Variants in NBEA observed in about 807,000 individuals in gnomAD.
The protein encoded by NBEA is neurobeachin.
A neutral mutation model predicts 343.4 loss-of-function variants in NBEA; 44 were observed. The observed-to-expected ratio is 0.13, with a 90% CI of 0.10 to 0.16. The LOEUF (loss-of-function observed/expected upper bound fraction) is 0.16. Among genes scored for constraint, NBEA ranks in the 10% least tolerant of loss-of-function variants. The pLI, the probability that NBEA is intolerant of heterozygous loss-of-function variation, is 1.00. For missense variants in NBEA, 2,555 were observed against 3,631.3 expected, an observed-to-expected ratio of 0.70 and a Z score of 7.62; for synonymous variants, 1,175 against 1,238.7, an observed-to-expected ratio of 0.95 and a Z score of 1.08.
At chr13:35,438,098 G>C (rs1338257446) in intron 39 of NBEA, among the ~76,000 whole-genome samples, 1 of 151,826 alleles carries the variant, frequency 6.6e-6, no homozygotes, top group Non-Finnish European at 1.5e-5. Flanking sequence ...GAAGAGAGCA[G>C]ACTGCTTCAG....
At chr13:34,945,737 C>A (rs1393602710) in intron 1 of NBEA, among the ~76,000 whole-genome samples, 1 of 152,054 alleles carries the variant, frequency 6.6e-6, no homozygotes, top group South Asian at 2.1e-4. Context: ...TCGCCTTTGT[C>A]AGTATATTTT....
intron 37 of NBEA, 51 bp downstream of exon 37, chr13:35,349,267 A>G (rs2040047678): frequency 7.6e-6 from 8 of 1,058,616 alleles, no homozygotes; most frequent in Non-Finnish European, 1.1e-5. Context: ...TAAGCCAAAA[A>G]TCACCTATCT....
Position 35,118,218 on chromosome 13 carries a change from T to A in NBEA, c.2083-10T>A, listed in dbSNP as rs1396015223. On this transcript the variant is annotated splice_polypyrimidine_tract_variant and intron_variant, in intron 14 of 58. Coordinates refer to ENST00000379939, the MANE Select transcript of NBEA (RefSeq NM_001385012.1). Reference sequence around the variant, plus strand: ...AGATGTAAAGTAATAAAATATTTTTTAAAAATTAGGATCGAGGGGTCAAGG... The same window carrying A: ...AGATGTAAAGTAATAAAATATTTTTAAAAAATTAGGATCGAGGGGTCAAGG... The A allele has an allele frequency of 2.8e-6, 4 of 1,446,858 alleles. No homozygotes were observed. Among genetic ancestry groups the A allele is most frequent in the Non-Finnish European group, 3.7e-6 (4 of 1,088,310 alleles). The allele number at this position is 1,446,858 out of a possible 1,614,324, so 89.6% of individuals were successfully genotyped here.
At chr13:35,162,828 A>T (rs1033638702) in intron 23 of NBEA, among the ~76,000 whole-genome samples, 1 of 152,122 alleles carries the variant, frequency 6.6e-6, no homozygotes, top group Non-Finnish European at 1.5e-5. Context: ...AACAAAATAT[A>T]AAATGTGTGT....
At chr13:35,211,634 G>A (rs2073779757) in intron 33 of NBEA, among the ~76,000 whole-genome samples, 1 of 152,118 alleles carries the variant, frequency 6.6e-6, no homozygotes, top group Admixed American at 6.5e-5. Flanking sequence ...GGAAAACATG[G>A]TGAAACCTTG....
chr13:35,651,035 A>G (rs2084496104), intron 52 of NBEA, among the ~76,000 whole-genome samples: 1 of 152,220 alleles, frequency 6.6e-6, no homozygotes, highest in South Asian at 2.1e-4. Context: ...GATAGGCAGC[A>G]CATATCTTAA....
intron 1 of NBEA, among the ~76,000 whole-genome samples, chr13:34,986,989 T>TG (rs1175555451): frequency 1.3e-5 from 2 of 151,048 alleles, no homozygotes; most frequent in African/African-American, 4.8e-5. Flanking sequence ...GTCTTTTAAC[T>TG]GGGGCATTTA....
At chr13:35,426,748 C>A (rs1026704574) in intron 38 of NBEA, among the ~76,000 whole-genome samples, 3 of 152,176 alleles carry the variant, frequency 2.0e-5, no homozygotes, top group Non-Finnish European at 4.4e-5. Flanking sequence ...TGTTTTCCAA[C>A]TTGGTTCCAT....
chr13:35,609,589 C>T (rs926526538), intron 48 of NBEA, among the ~76,000 whole-genome samples: 8 of 152,016 alleles, frequency 5.3e-5, no homozygotes, highest in Non-Finnish European at 8.8e-5. Context: ...GGGCATTTGG[C>T]GTTAGCATTT....
At chr13:35,200,411 T>G (rs1156954374) in intron 31 of NBEA, among the ~76,000 whole-genome samples, 1 of 148,550 alleles carries the variant, frequency 6.7e-6, no homozygotes, top group Non-Finnish European at 1.5e-5. Context: ...GGTTTAGTTT[T>G]AACTTCCTAG....
chr13:35,144,967 C>T (rs765489487), intron 18 of NBEA, among the ~76,000 whole-genome samples: 2 of 152,144 alleles, frequency 1.3e-5, no homozygotes, highest in East Asian at 3.9e-4. Flanking sequence ...GGTAGGTATC[C>T]TTTGATGGAG....
chr13:35,075,565 C>A (rs1250149509), intron 10 of NBEA, among the ~76,000 whole-genome samples: 3 of 152,070 alleles, frequency 2.0e-5, no homozygotes, highest in South Asian at 2.1e-4. Context: ...TTTAGAGAAT[C>A]CCATAAAGCA....
chr13:35,356,990 G>A (rs867138567), intron 38 of NBEA, among the ~76,000 whole-genome samples: 3 of 152,002 alleles, frequency 2.0e-5, no homozygotes, highest in African/African-American at 7.2e-5. Context: ...CTATCACTTG[G>A]CATATAATTT....
intron 35 of NBEA, among the ~76,000 whole-genome samples, chr13:35,298,187 ATGTG>A (rs1216541038): frequency 2.5e-4 from 29 of 115,166 alleles, no homozygotes; most frequent in East Asian, 7.4e-4. Flanking sequence ...GTGTGTGTGT[ATGTG>A]TGTGTGTGTG....
At chr13:35,632,838 C>T (rs191460136) in intron 49 of NBEA, among the ~76,000 whole-genome samples, 341 of 151,996 alleles carry the variant, frequency 2.2e-3, no homozygotes, top group African/African-American at 8.0e-3. Context: ...AGGTGATCTG[C>T]CTGCCTCAGC....
chr13:35,446,577 A>T (rs2046056806), intron 39 of NBEA, among the ~76,000 whole-genome samples: 1 of 152,188 alleles, frequency 6.6e-6, no homozygotes, highest in Non-Finnish European at 1.5e-5. Flanking sequence ...AAAAGAAATT[A>T]CATAGGTCGG....
At chr13:35,044,046 A>G (rs2062754529) in intron 2 of NBEA, among the ~76,000 whole-genome samples, 1 of 152,144 alleles carries the variant, frequency 6.6e-6, no homozygotes, top group Admixed American at 6.6e-5. Context: ...ATTAATCACA[A>G]TATGTAGAGA....
At chr13:35,169,786 G>A (rs1481000614) in intron 25 of NBEA, among the ~76,000 whole-genome samples, 1 of 151,668 alleles carries the variant, frequency 6.6e-6, no homozygotes, top group Non-Finnish European at 1.5e-5. Flanking sequence ...TCTTTCTTAT[G>A]AGCTATGATG....
chr13:35,210,121 C>T (rs1283441085), intron 32 of NBEA, among the ~76,000 whole-genome samples: 2 of 151,804 alleles, frequency 1.3e-5, no homozygotes, highest in African/African-American at 4.8e-5. Context: ...ATGAAATCAC[C>T]TTTTTTATTT....
Sources: gnomAD v4.1 joint callset for allele counts (sites outside exome capture counted in the v4.1 genomes callset) on GRCh38, gnomAD v4.1.1 for gene constraint, MANE v1.5 for transcripts, NCBI Gene and HGNC (gene_info 2026-07-23, HGNC 2026-07-21) for gene names.